BBS5: variants seen among roughly 807,000 people sequenced by gnomAD.
BBS5 encodes BBSome complex member BBS5.
A neutral mutation model predicts 50.2 loss-of-function variants in BBS5; 39 were observed. That is an observed-to-expected ratio of 0.78 (90% confidence interval 0.60 to 1.01). The LOEUF is 1.01. Among genes scored for constraint, BBS5 ranks in the 50% least tolerant of loss-of-function variants. BBS5 has a pLI of 0.00. For missense variants in BBS5, 356 were observed against 401.5 expected (o/e 0.89, Z 0.97); for synonymous variants, 134 against 133.1 (o/e 1.01, Z -0.05).
intron 7 of BBS5, among the ~76,000 whole-genome samples, chr2:169,497,022 T>G (rs982326546): frequency 9.2e-5 from 14 of 152,042 alleles, no homozygotes; most frequent in African/African-American, 3.4e-4. Context: ...TTGCTAGCCT[T>G]TTGTTTAAAA....
chr2:169,482,445 T>C, intron 2 of BBS5, 112 bp downstream of exon 2: 1 of 803,954 alleles, frequency 1.2e-6, no homozygotes, highest in Non-Finnish European at 2.2e-6. Flanking sequence ...ATTGTGAGAA[T>C]AGGAGAGTTA....
chr2:169,488,310 A>G (rs1468893147), intron 5 of BBS5, among the ~76,000 whole-genome samples, 196 bp downstream of exon 5: 8 of 152,186 alleles, frequency 5.3e-5, no homozygotes, highest in Non-Finnish European at 1.2e-4. Context: ...TTACTATTAT[A>G]TACTCACCAT....
intron 8 of BBS5, 140 bp from the exon 9 acceptor site, chr2:169,499,346 A>G (rs2105301490): frequency 1.1e-6 from 1 of 913,634 alleles, no homozygotes; most frequent in South Asian, 1.7e-5. Flanking sequence ...GAAATTTTTC[A>G]TAATAAAAAG....
intron 11 of BBS5, 23 bp downstream of exon 11, chr2:169,504,349 C>T: frequency 1.2e-6 from 2 of 1,608,394 alleles, no homozygotes; most frequent in South Asian, 1.1e-5. Context: ...ATTTTACCTA[C>T]AGTATATGAA....
rs1683836808 is a variant in BBS5 at position 169,503,007 on chromosome 2, TTTGTAA to T, written c.817-83_817-78del. ...CGTGATTTTTATAAGACTTTAGTAGTTTGTAATTGTTATTTTAACAGTATTTGCAGT... is the reference window on the plus strand; with the variant it reads ...CGTGATTTTTATAAGACTTTAGTAGTTTGTTATTTTAACAGTATTTGCAGT... On this transcript the variant is annotated intron_variant, in intron 9 of 11. Transcript: ENST00000295240. 5.2e-6 allele frequency: 5 copies of T among 953,478 alleles called. No individual in the cohort carries two copies. The Admixed American group carries it at 7.8e-5, about 15-fold the overall frequency. The allele number at this position is 953,478 out of a possible 1,614,324, so 59.1% of individuals were successfully genotyped here.
rs1574339953 is a variant in BBS5 at position 169,493,792 on chromosome 2, A to G, written c.574A>G (p.Asn192Asp). 6.2e-7 allele frequency: 1 copy of G among 1,613,014 alleles called. No individual in the cohort carries two copies. Among genetic ancestry groups the G allele is most frequent in the East Asian group, 2.2e-5 (1 of 44,808 alleles). ...CAATGTGAGAATTGTGTGGCATGCA[A>G]ATATGAATGATAGTTTTAATGTCAG... The part of the protein sequence containing the change: ...ITNVRIVWHA[N>D]MNDSFNVSIP... Residue 192 changes from asparagine to aspartate, a missense_variant, in exon 7 of 12, where the codon AAT becomes GAT. Transcript: ENST00000295240.
Position 169,479,725 on chromosome 2 carries a change from T to G in BBS5, c.59+113T>G, listed in dbSNP as rs917886562. ...CCGCAGCTCGCGGCCCTGGTGAGGG[T>G]GGGAGGCTTGCGCCGGTCGTCCGCG... On this transcript the variant is annotated intron_variant, in intron 1 of 11. Transcript: ENST00000295240. 7 of 1,212,040 alleles carry G rather than the reference T, an allele frequency of 5.8e-6. No individual in the cohort carries two copies. In the South Asian group the frequency reaches 8.9e-5, roughly 15 times the overall value. The allele number at this position is 1,212,040 out of a possible 1,614,324, so 75.1% of individuals were successfully genotyped here. A position where few individuals can be genotyped will look rare whatever the true frequency, so the allele number is the denominator to read the frequency against.
At chr2:169,498,806 C>CAAAAAA (rs368910049) in intron 8 of BBS5, among the ~76,000 whole-genome samples, 2 of 72,088 alleles carry the variant, frequency 2.8e-5, no homozygotes. Context: ...GACTCTGTCT[C>CAAAAAA]AAAAAAAAAA....
chr2:169,498,753 G>A (rs945008511), intron 8 of BBS5, among the ~76,000 whole-genome samples: 2 of 149,804 alleles, frequency 1.3e-5, no homozygotes, highest in African/African-American at 4.9e-5. Flanking sequence ...CTTGCAGTGA[G>A]CCGAGATCGC....
At chr2:169,480,970 G>A (rs576270905) in intron 1 of BBS5, among the ~76,000 whole-genome samples, 2 of 152,162 alleles carry the variant, frequency 1.3e-5, no homozygotes, top group Non-Finnish European at 2.9e-5. Flanking sequence ...GAGCCACTGC[G>A]CCCGGCGACA....
At position 169,503,174 on chromosome 2, in the gene BBS5, T is replaced by G. The variant is rs947557582; in HGVS notation, c.896T>G (p.Phe299Cys). The part of the protein sequence containing the change: ...EIDSDGHTDA[F>C]VAYFADGNKQ... ...GACTCTGATGGTCACACGGATGCTT[T>G]TGTGGTGAGCATCACAAAGGACAGC... Residue 299 changes from phenylalanine to cysteine, a missense_variant, in exon 10 of 12, where the codon TTT becomes TGT. Physicochemically the swap from Phe to Cys is radical, Grantham distance 205. Coordinates refer to ENST00000295240, the MANE Select transcript of BBS5 (RefSeq NM_152384.3). 3.1e-6 allele frequency: 5 copies of G among 1,610,308 alleles called. No individual in the cohort carries two copies. In the African/African-American group the frequency reaches 6.7e-5, roughly 22 times the overall value.
chr2:169,494,342 G>C (rs1394328166), intron 7 of BBS5, among the ~76,000 whole-genome samples: 1 of 152,134 alleles, frequency 6.6e-6, no homozygotes, highest in African/African-American at 2.4e-5. Flanking sequence ...TGTAATACAA[G>C]CTGGATTCAT....
chr2:169,480,487 C>G lies in BBS5; in HGVS notation c.59+875C>G, dbSNP rs564860419. Among the ~76,000 whole-genome samples the G allele has an allele frequency of 5.3e-5, 8 of 151,994 alleles. No individual in the cohort carries two copies. The South Asian group carries it at 1.7e-3, about 32-fold the overall frequency. ...CTCACCTCCTTAGATGGAATCGTTCCTTATCATGGACCTCACCTCCTTAGA... is the reference window on the plus strand; with the variant it reads ...CTCACCTCCTTAGATGGAATCGTTCGTTATCATGGACCTCACCTCCTTAGA... On this transcript the variant is annotated intron_variant, in intron 1 of 11. Transcript: ENST00000295240.
intron 5 of BBS5, 101 bp from the exon 6 acceptor site, chr2:169,492,773 A>C: frequency 1.0e-6 from 1 of 977,984 alleles, no homozygotes; most frequent in Non-Finnish European, 1.5e-6. Flanking sequence ...TATTTGAGTA[A>C]TGTTCATAAA....
In BBS5 at chr2:169,503,092, C is replaced by A; in HGVS notation, c.817-3C>A. 6.2e-7 allele frequency: 1 copy of A among 1,611,404 alleles called. No individual in the cohort carries two copies. The highest frequency in any genetic ancestry group is 8.5e-7 in the Non-Finnish European group (1 of 1,177,810). ...ATGCATTTTAACATCTGCTGATTTT[C>A]AGCCCCAGCCGCTCGAAGCTCTGAC... On this transcript the variant is annotated splice_region_variant and splice_polypyrimidine_tract_variant and intron_variant, in intron 9 of 11. Coordinates refer to ENST00000295240, the MANE Select transcript of BBS5 (RefSeq NM_152384.3).
Position 169,505,387 on chromosome 2 carries a change from A to G in BBS5, c.*805A>G. ...CTGCCCGGCCGCCACCCCGTCTGGG[A>G]AGTGAGGAGCGTCTCTGCCTGGCTG... On this transcript the variant is annotated 3_prime_UTR_variant, in exon 12 of 12. Transcript: ENST00000295240. 2.9e-6 allele frequency: 1 copy of G among 349,038 alleles called. No homozygotes were observed. Among genetic ancestry groups the G allele is most frequent in the Non-Finnish European group, 5.5e-6 (1 of 180,744 alleles). The allele number at this position is 349,038 out of a possible 1,614,324, so 21.6% of individuals were successfully genotyped here. A position where few individuals can be genotyped will look rare whatever the true frequency, so the allele number is the denominator to read the frequency against.
At position 169,479,533 on chromosome 2, in the gene BBS5, C is replaced by G. The variant is rs1683346539; in HGVS notation, c.-21C>G. 3 of 1,614,094 alleles carry G rather than the reference C, an allele frequency of 1.9e-6. No individual in the cohort carries two copies. The East Asian group carries it at 6.7e-5, about 36-fold the overall frequency. Reference sequence around the variant, plus strand: ...AGGCCTGCACGGCTGTGGAGAGATCCTGCCACGGGCCTTGTTCACCATGTC... The same window carrying G: ...AGGCCTGCACGGCTGTGGAGAGATCGTGCCACGGGCCTTGTTCACCATGTC... On this transcript the variant is annotated 5_prime_UTR_variant, in exon 1 of 12. Coordinates refer to ENST00000295240, the MANE Select transcript of BBS5 (RefSeq NM_152384.3).
chr2:169,490,001 G>A (rs1440615970), intron 5 of BBS5, among the ~76,000 whole-genome samples: 4 of 148,742 alleles, frequency 2.7e-5, no homozygotes, highest in Non-Finnish European at 4.5e-5. Flanking sequence ...TCAGCCTCCC[G>A]AGTAGCTGGG....
intron 1 of BBS5, among the ~76,000 whole-genome samples, chr2:169,480,713 C>A (rs1683375974): frequency 9.9e-6 from 1 of 100,778 alleles, no homozygotes; most frequent in Non-Finnish European, 1.8e-5. Flanking sequence ...CAGAGTTTCG[C>A]TCTTGTTGCC....
Sources: gnomAD v4.1 joint callset for allele counts (sites outside exome capture counted in the v4.1 genomes callset) on GRCh38, gnomAD v4.1.1 for gene constraint, MANE v1.5 for transcripts, NCBI Gene and HGNC (gene_info 2026-07-23, HGNC 2026-07-21) for gene names.